KHDRBS2: variants seen among roughly 807,000 people sequenced by gnomAD.
KHDRBS2 encodes the protein KH RNA binding domain containing, signal transduction associated 2, also known as KH domain-containing, RNA-binding, signal transduction-associated protein 2.
KHDRBS2 carries 26 observed loss-of-function variants against 44.3 expected under a neutral mutation model. The observed-to-expected ratio is 0.59, with a 90% CI of 0.43 to 0.81. The LOEUF is 0.81. Among genes scored for constraint, KHDRBS2 ranks in the 40% least tolerant of loss-of-function variants. The pLI is 0.00. For synonymous variants in KHDRBS2, 194 were observed against 151.1 expected, an observed-to-expected ratio of 1.28 and a Z score of -2.08; for missense variants, 476 against 433.1, an observed-to-expected ratio of 1.10 and a Z score of -0.88.
intron 1 of KHDRBS2, among the ~76,000 whole-genome samples, chr6:62,266,096 A>C (rs1839158481): frequency 6.6e-6 from 1 of 152,076 alleles, no homozygotes; most frequent in Non-Finnish European, 1.5e-5. Flanking sequence ...GGGGCTGACA[A>C]GCCATCTTCC....
At chr6:61,607,405 T>A in the KHDRBS2 span, among the ~76,000 whole-genome samples, 35 of 149,418 alleles carry the variant, frequency 2.3e-4, no homozygotes, top group East Asian at 6.6e-3. Context: ...GAGAAAAAAT[T>A]AGTTGATTTT....
At chr6:61,822,231 T>A (rs1238386735) in intron 6 of KHDRBS2, among the ~76,000 whole-genome samples, 1 of 151,972 alleles carries the variant, frequency 6.6e-6, no homozygotes, top group Non-Finnish European at 1.5e-5. Flanking sequence ...AAAACGAAGT[T>A]CATCTTCTTT....
At position 62,161,572 on chromosome 6, in the gene KHDRBS2, G is replaced by GT. The variant is rs1562976841; in HGVS notation, c.219+15612_219+15613insA. 1.6e-3 allele frequency among the ~76,000 whole-genome samples: 89 copies of GT among 54,182 alleles called. 3 individuals carry two copies. Among genetic ancestry groups the GT allele is most frequent in the African/African-American group, 5.2e-3 (83 of 15,978 alleles). The allele number at this position is 54,182 out of a possible 152,430, so 35.5% of individuals were successfully genotyped here. On this transcript the variant is annotated intron_variant, in intron 2 of 8. Transcript: ENST00000281156. ...TGAGCATCCGAGAATTTTGGTATTT[G>GT]CGGGGGGGGGGGGGGTCCCAGAACA...
the KHDRBS2 span, among the ~76,000 whole-genome samples, chr6:61,582,574 T>A: frequency 6.6e-6 from 1 of 151,752 alleles, no homozygotes; most frequent in African/African-American, 2.4e-5. Context: ...TCATACAAAA[T>A]GTTCCAGAAC....
At chr6:62,084,666 G>T (rs893906952) in intron 2 of KHDRBS2, among the ~76,000 whole-genome samples, 5 of 152,056 alleles carry the variant, frequency 3.3e-5, no homozygotes, top group Non-Finnish European at 2.9e-5. Flanking sequence ...TATTTTTAGG[G>T]TATGAAATTA....
chr6:61,906,387 T>A (rs892832437), intron 4 of KHDRBS2, among the ~76,000 whole-genome samples: 3 of 152,168 alleles, frequency 2.0e-5, no homozygotes, highest in South Asian at 2.1e-4. Context: ...GTCATTTCTT[T>A]GTGTTAGGAA....
chr6:62,284,803 G>A (rs967052778), intron 1 of KHDRBS2, among the ~76,000 whole-genome samples: 3 of 152,050 alleles, frequency 2.0e-5, no homozygotes, highest in Non-Finnish European at 4.4e-5. Context: ...ATATTGAGGA[G>A]CAGAATTTAT....
intron 2 of KHDRBS2, among the ~76,000 whole-genome samples, chr6:62,167,505 C>G (rs957646926): frequency 6.6e-6 from 1 of 152,084 alleles, no homozygotes; most frequent in Non-Finnish European, 1.5e-5. Flanking sequence ...AGGATTATTT[C>G]AAATGCCATT....
intron 7 of KHDRBS2, among the ~76,000 whole-genome samples, chr6:61,706,548 C>G (rs1271554431): frequency 2.6e-5 from 4 of 151,736 alleles, no homozygotes; most frequent in African/African-American, 9.7e-5. Flanking sequence ...TGAGATCATT[C>G]TCTTTTACTA....
At chr6:61,996,871 C>A (rs965980884) in intron 3 of KHDRBS2, among the ~76,000 whole-genome samples, 3 of 150,020 alleles carry the variant, frequency 2.0e-5, no homozygotes, top group African/African-American at 7.4e-5. Flanking sequence ...GCAACCTCTG[C>A]GCCCGAGTTT....
chr6:62,088,698 G>T (rs1016182601), intron 2 of KHDRBS2, among the ~76,000 whole-genome samples: 2 of 152,218 alleles, frequency 1.3e-5, no homozygotes, highest in South Asian at 2.1e-4. Context: ...CACTTGGGGG[G>T]ACATGGACCC....
At position 62,102,397 on chromosome 6, in the gene KHDRBS2, T is replaced by A. The variant is rs59412069; in HGVS notation, c.220-54403A>T. Among the ~76,000 whole-genome samples, 583 of 152,128 alleles carry A rather than the reference T, an allele frequency of 3.8e-3. 2 individuals are homozygous for A. Among genetic ancestry groups the A allele is most frequent in the African/African-American group, 0.014 (564 of 41,490 alleles). ...GCTTCCACTGCAGGCACCAGGCAAT[T>A]CAATGGCACCCAAAACCTCAGAGAC... On this transcript the variant is annotated intron_variant, in intron 2 of 8. Transcript: ENST00000281156.
rs1036009121 is a variant in KHDRBS2, at chr6:62,253,589, T to TA, written c.91+32268dup. 6.1e-3 allele frequency among the ~76,000 whole-genome samples: 924 copies of TA among 150,940 alleles called. 8 individuals carry two copies. The highest frequency in any genetic ancestry group is 0.021 in the African/African-American group (869 of 41,144). ...TTTGAAATCCAGGTTTCTTTTCCTC[T>TA]AAAAAAAAATCTATGAATGAATAAA... is the stretch of plus-strand genomic sequence containing the variant. On this transcript the variant is annotated intron_variant, in intron 1 of 8. Transcript: ENST00000281156.
rs145471811 is a variant in KHDRBS2, at chr6:61,767,029, T to A, written c.811-34265A>T. Reference sequence around the variant, plus strand: ...CTTTACTGATTTTCTGTCTGAATGATCTGTCCAATGCTGAAAATAGGGTGT... The same window carrying A: ...CTTTACTGATTTTCTGTCTGAATGAACTGTCCAATGCTGAAAATAGGGTGT... On this transcript the variant is annotated intron_variant, in intron 6 of 8. Coordinates refer to ENST00000281156, the MANE Select transcript of KHDRBS2 (RefSeq NM_152688.4). 2.9e-3 allele frequency among the ~76,000 whole-genome samples: 442 copies of A among 152,188 alleles called. 2 individuals are homozygous for A. Among genetic ancestry groups the A allele is most frequent in the Non-Finnish European group, 4.7e-3 (319 of 67,934 alleles).
At chr6:62,202,236 T>C (rs1166741709) in intron 1 of KHDRBS2, among the ~76,000 whole-genome samples, 1 of 152,102 alleles carries the variant, frequency 6.6e-6, no homozygotes, top group Non-Finnish European at 1.5e-5. Flanking sequence ...AAATGAATTC[T>C]TTAGAGACTG....
chr6:61,598,779 G>A, the KHDRBS2 span, among the ~76,000 whole-genome samples: 2 of 149,902 alleles, frequency 1.3e-5, no homozygotes, highest in African/African-American at 2.5e-5. Context: ...CTAGGCTGCA[G>A]CAGTGACAGC....
At chr6:62,184,666 A>C (rs1472830608) in intron 1 of KHDRBS2, among the ~76,000 whole-genome samples, 4 of 151,830 alleles carry the variant, frequency 2.6e-5, no homozygotes, top group African/African-American at 9.7e-5. Flanking sequence ...ATTAAAGTTC[A>C]TGTTTTGCCT....
At chr6:61,717,963 G>C (rs1472476816) in intron 7 of KHDRBS2, among the ~76,000 whole-genome samples, 1 of 151,958 alleles carries the variant, frequency 6.6e-6, no homozygotes, top group African/African-American at 2.4e-5. Context: ...GGAGTTGGCA[G>C]ATATGGGTTC....
chr6:62,126,880 CT>C (rs1488622997), intron 2 of KHDRBS2, among the ~76,000 whole-genome samples: 2 of 152,168 alleles, frequency 1.3e-5, no homozygotes, highest in African/African-American at 4.8e-5. Context: ...ATTTATTTAA[CT>C]TTATATATAG....
Sources: gnomAD v4.1 joint callset for allele counts (sites outside exome capture counted in the v4.1 genomes callset) on GRCh38, gnomAD v4.1.1 for gene constraint, MANE v1.5 for transcripts, NCBI Gene and HGNC (gene_info 2026-07-23, HGNC 2026-07-21) for gene names.